The following FSIP2 variants were observed in gnomAD, a reference collection of about 807,000 sequenced individuals.
FSIP2 encodes fibrous sheath interacting protein 2.
In FSIP2, 367 loss-of-function variants were observed where a neutral mutation model predicts 510.5. That is an observed-to-expected ratio of 0.72 (90% confidence interval 0.66 to 0.78). The LOEUF (loss-of-function observed/expected upper bound fraction) is 0.78, where lower values mean the gene tolerates loss of function less well. Ranked by LOEUF, FSIP2 falls within the 30% of genes least tolerant of loss-of-function variation. The pLI, the probability that FSIP2 is intolerant of heterozygous loss-of-function variation, is 0.00. For synonymous variants in FSIP2, 2,601 were observed against 2,732.2 expected (o/e 0.95, Z 1.50); for missense variants, 7,594 against 7,901.7 (o/e 0.96, Z 1.48).
chr2:185,824,522 C>A, intron 20 of FSIP2, 42 bp downstream of exon 20: 2 of 1,134,258 alleles, frequency 1.8e-6, no homozygotes, highest in South Asian at 1.4e-5. Context: ...TTTTTTACTA[C>A]TTTGATGTGT....
Position 185,801,824 on chromosome 2 carries a change from A to T in FSIP2, c.12518A>T (p.Asp4173Val). 1 of 1,488,136 alleles carries T rather than the reference A, an allele frequency of 6.7e-7. No homozygotes were observed. Among genetic ancestry groups the T allele is most frequent in the Non-Finnish European group, 8.9e-7 (1 of 1,123,582 alleles). The allele number at this position is 1,488,136 out of a possible 1,614,324, so 92.2% of individuals were successfully genotyped here. A position where few individuals can be genotyped will look rare whatever the true frequency, so the allele number is the denominator to read the frequency against. Residue 4173 changes from aspartate (D) to valine (V), a missense_variant, in exon 17 of 23, where the codon GAT becomes GTT. By Grantham distance (152) the Asp-to-Val change is radical. Coordinates refer to ENST00000424728, the MANE Select transcript of FSIP2 (RefSeq NM_173651.4). ...SLGKKYLMSS[D>V]FNEMSTCIIN... Reference sequence around the variant, plus strand: ...GGAAAAAAATATTTAATGAGTTCTGATTTTAATGAAATGTCCACTTGTATA... The same window carrying T: ...GGAAAAAAATATTTAATGAGTTCTGTTTTTAATGAAATGTCCACTTGTATA...
rs1213262538 is a variant in FSIP2, at chr2:185,739,004, G to A, written c.99+11G>A. Reference sequence around the variant, plus strand: ...CAGCAGTGCAGAGACGTGAGTGGCCGCAAGCTGGGCGGCGTCGCCCTCTGG... The same window carrying A: ...CAGCAGTGCAGAGACGTGAGTGGCCACAAGCTGGGCGGCGTCGCCCTCTGG... On this transcript the variant is annotated intron_variant, in intron 1 of 22. Coordinates refer to ENST00000424728, the MANE Select transcript of FSIP2 (RefSeq NM_173651.4). The A allele has an allele frequency of 2.6e-6, 4 of 1,529,758 alleles. No individual in the cohort carries two copies. In the East Asian group the frequency reaches 9.8e-5, roughly 37 times the overall value. 94.8% of individuals were successfully genotyped at this position (1,529,758 alleles called of 1,614,324 possible).
intron 13 of FSIP2, among the ~76,000 whole-genome samples, chr2:185,778,404 A>G (rs1244144706): frequency 1.3e-5 from 2 of 152,078 alleles, no homozygotes; most frequent in Non-Finnish European, 2.9e-5. Flanking sequence ...GGTGATATGT[A>G]TGAAAATATA....
rs1694138351 is a variant in FSIP2 at position 185,833,181 on chromosome 2, C to T, written c.20679C>T (p.Thr6893=). 51 of 1,610,798 alleles carry T rather than the reference C, an allele frequency of 3.2e-5. No homozygotes were observed. The highest frequency in any genetic ancestry group is 4.3e-5 in the Non-Finnish European group (51 of 1,177,890). Residue 6893 remains threonine (T), a synonymous_variant, in exon 23 of 23, where the codon ACC becomes ACT. Coordinates refer to ENST00000424728, the MANE Select transcript of FSIP2 (RefSeq NM_173651.4). ...CAAAGGTGTTTTCTCAATGTAACAC[C>T]AATATTTCCAGATCTTCCTCACCAG... ...TLSKVFSQCN[T]NISRSSSPAH...
chr2:185,738,523 C>A, upstream of FSIP2: 3 of 1,292,052 alleles, frequency 2.3e-6, no homozygotes, highest in African/African-American at 1.5e-5. Context: ...TTTTATTGAA[C>A]GGAACAGGGC....
chr2:185,770,786 A>T (rs1692591462), intron 13 of FSIP2, among the ~76,000 whole-genome samples: 2 of 152,194 alleles, frequency 1.3e-5, no homozygotes, highest in Non-Finnish European at 2.9e-5. Context: ...AATTCAATAA[A>T]AAGTCCAAGG....
At chr2:185,747,100 G>A (rs1299312670) in intron 6 of FSIP2, among the ~76,000 whole-genome samples, 1 of 151,950 alleles carries the variant, frequency 6.6e-6, no homozygotes, top group Non-Finnish European at 1.5e-5. Flanking sequence ...AAATTTTTTT[G>A]AAATTTAGCT....
intron 19 of FSIP2, among the ~76,000 whole-genome samples, chr2:185,818,998 A>G (rs1199153278): frequency 2.0e-5 from 3 of 151,920 alleles, no homozygotes; most frequent in Admixed American, 6.6e-5. Context: ...AGACAAATGC[A>G]TGAAACAGAT....
At chr2:185,765,499 C>T (rs1222071918) in intron 13 of FSIP2, 1 of 151,938 alleles carries the variant, frequency 6.6e-6, no homozygotes. Context: ...TTCCATTGAT[C>T]TATATCTTTG....
chr2:185,740,123 T>C (rs2255620), intron 2 of FSIP2, among the ~76,000 whole-genome samples: 49,574 of 151,920 alleles, frequency 0.33, 8,321 homozygotes, highest in Middle Eastern at 0.41. Flanking sequence ...ATAAATACCA[T>C]GCTAATACTT....
chr2:185,791,574 A>G lies in FSIP2; in HGVS notation c.4438A>G (p.Ile1480Val), dbSNP rs1288144828. Residue 1480 changes from isoleucine (I) to valine (V), a missense_variant, in exon 16 of 23, where the codon ATT becomes GTT. Coordinates refer to ENST00000424728, the MANE Select transcript of FSIP2 (RefSeq NM_173651.4). ...AATGGCTGCTGCATTGCAGTCTAAT[A>G]TTCAGTTAATTTCTAAAGCAATTTT... ...QKMAAALQSN[I>V]QLISKAILDY... is the part of the protein sequence containing the mutation. 6.6e-5 allele frequency: 101 copies of G among 1,534,166 alleles called. No homozygotes were observed. The highest frequency in any genetic ancestry group is 8.3e-5 in the Non-Finnish European group (95 of 1,145,584).
In FSIP2 at chr2:185,801,188, T is replaced by C; in HGVS notation, c.11882T>C (p.Leu3961Pro). ...EMDKVAIHNK[L>P]HQEGIYAGVY... ...GATAAGGTAGCCATTCATAATAAGC[T>C]ACATCAGGAAGGTATATATGCTGGT... Residue 3961 changes from leucine to proline, a missense_variant, in exon 17 of 23, where the codon CTA becomes CCA. Leu to Pro is a moderately conservative substitution (Grantham distance 98). Transcript: ENST00000424728. 1 of 1,534,194 alleles carries C rather than the reference T, an allele frequency of 6.5e-7. No individual in the cohort carries two copies. The highest frequency in any genetic ancestry group is 8.7e-7 in the Non-Finnish European group (1 of 1,145,552).
In FSIP2 at chr2:185,807,564, G is replaced by A; in HGVS notation, c.18258G>A (p.Gln6086=). Reference sequence around the variant, plus strand: ...ATGAAATTATTCAATTAGTGGTTCAGTCTGTTTATAATAATCTCTTGCCAC... The same window carrying A: ...ATGAAATTATTCAATTAGTGGTTCAATCTGTTTATAATAATCTCTTGCCAC... ...DDDEIIQLVV[Q]SVYNNLLPQF... is the part of the protein sequence containing the mutation. Residue 6086 remains glutamine (Q), a synonymous_variant, in exon 17 of 23, where the codon CAG becomes CAA. Transcript: ENST00000424728. The A allele has an allele frequency of 1.9e-6, 3 of 1,612,226 alleles. No homozygotes were observed. Among genetic ancestry groups the A allele is most frequent in the Non-Finnish European group, 2.5e-6 (3 of 1,179,002 alleles).
At chr2:185,768,140 G>A (rs928504748) in intron 13 of FSIP2, among the ~76,000 whole-genome samples, 20 of 151,916 alleles carry the variant, frequency 1.3e-4, no homozygotes, top group Admixed American at 5.2e-4. Flanking sequence ...CTATTGAGTT[G>A]TTTCAGATTT....
At chr2:185,772,957 C>A (rs1692638026) in intron 13 of FSIP2, among the ~76,000 whole-genome samples, 1 of 151,950 alleles carries the variant, frequency 6.6e-6, no homozygotes, top group Admixed American at 6.6e-5. Context: ...ACATCCTAGG[C>A]TCAAGCCATC....
intron 7 of FSIP2, among the ~76,000 whole-genome samples, chr2:185,748,334 T>A (rs1305416919): frequency 1.3e-5 from 2 of 151,666 alleles, no homozygotes; most frequent in Admixed American, 6.6e-5. Context: ...TAGAGACAGG[T>A]TTTTGCTATG....
intron 2 of FSIP2, 45 bp from the exon 3 acceptor site, chr2:185,743,088 G>T: frequency 8.2e-7 from 1 of 1,218,972 alleles, no homozygotes. Context: ...ATTATTTAAA[G>T]TGAAAATGCA....
rs1574195069 is a variant in FSIP2, at chr2:185,803,498, C to G, written c.14192C>G (p.Thr4731Ser). ...NDTKTLAARI[T>S]NIILAEIFDF... ...ACAAAGACATTGGCTGCAAGAATAA[C>G]TAATATCATCCTGGCTGAAATTTTT... The change falls in exon 17 of 23, where the codon ACT becomes AGT. Residue 4731 changes from threonine to serine, a missense_variant. By Grantham distance (58) the Thr-to-Ser change is moderately conservative. Coordinates refer to ENST00000424728, the MANE Select transcript of FSIP2 (RefSeq NM_173651.4). 6.5e-7 allele frequency: 1 copy of G among 1,531,574 alleles called. No individual in the cohort carries two copies. The highest frequency in any genetic ancestry group is 1.7e-4 in the Middle Eastern group (1 of 5,944). 94.9% of individuals were successfully genotyped at this position (1,531,574 alleles called of 1,614,324 possible).
At position 185,803,537 on chromosome 2, in the gene FSIP2, A is replaced by G. The variant is rs1477737340; in HGVS notation, c.14231A>G (p.His4744Arg). ...ILAEIFDFQIHPDLIANLPFK... is the reference protein window; with the variant it reads ...ILAEIFDFQIRPDLIANLPFK... ...GCTGAAATTTTTGATTTCCAAATTC[A>G]TCCAGATCTTATAGCAAATCTGCCT... Residue 4744 changes from histidine to arginine, a missense_variant, in exon 17 of 23, where the codon CAT becomes CGT. By Grantham distance (29) the His-to-Arg change is conservative. Transcript: ENST00000424728. 1.2e-5 allele frequency: 19 copies of G among 1,533,070 alleles called. No individual in the cohort carries two copies. Among genetic ancestry groups the G allele is most frequent in the Non-Finnish European group, 1.7e-5 (19 of 1,144,986 alleles). 95.0% of individuals were successfully genotyped at this position (1,533,070 alleles called of 1,614,324 possible). A position where few individuals can be genotyped will look rare whatever the true frequency, so the allele number is the denominator to read the frequency against.
Sources: gnomAD v4.1 joint callset for allele counts (sites outside exome capture counted in the v4.1 genomes callset) on GRCh38, gnomAD v4.1.1 for gene constraint, MANE v1.5 for transcripts, NCBI Gene and HGNC (gene_info 2026-07-23, HGNC 2026-07-21) for gene names.